CNTNAP5: variants seen among roughly 807,000 people sequenced by gnomAD.
The protein encoded by CNTNAP5 is contactin-associated protein-like 5.
In CNTNAP5, 72 loss-of-function variants were observed where a neutral mutation model predicts 150.2. The observed-to-expected ratio is 0.48, with a 90% confidence interval of 0.40 to 0.58. The LOEUF is 0.58. Among genes scored for constraint, CNTNAP5 ranks in the 20% least tolerant of loss-of-function variants. The pLI is 0.00. For missense variants in CNTNAP5, 1,636 were observed against 1,626.2 expected, an observed-to-expected ratio of 1.01 and a Z score of -0.10; for synonymous variants, 672 against 619.8, an observed-to-expected ratio of 1.08 and a Z score of -1.25.
At chr2:124,725,084 C>A (rs941355365) in intron 13 of CNTNAP5, among the ~76,000 whole-genome samples, 1 of 151,984 alleles carries the variant, frequency 6.6e-6, no homozygotes, top group Non-Finnish European at 1.5e-5. Context: ...CTCACATACA[C>A]ATAAATTTAT....
chr2:124,569,052 G>GAA (rs552168628), intron 11 of CNTNAP5, among the ~76,000 whole-genome samples: 51 of 151,364 alleles, frequency 3.4e-4, no homozygotes, highest in African/African-American at 1.2e-3. Flanking sequence ...TGTCTCAAAA[G>GAA]AAAAAAATAT....
At chr2:124,860,627 G>A (rs982189038) in intron 19 of CNTNAP5, among the ~76,000 whole-genome samples, 26 of 151,022 alleles carry the variant, frequency 1.7e-4, no homozygotes, top group Non-Finnish European at 5.9e-5. Context: ...ACTTACCATG[G>A]GCCAGACACT....
At chr2:124,513,096 G>C (rs1694630435) in intron 8 of CNTNAP5, among the ~76,000 whole-genome samples, 1 of 152,166 alleles carries the variant, frequency 6.6e-6, no homozygotes, top group Non-Finnish European at 1.5e-5. Context: ...GCTGCTATAA[G>C]AAAATATCAC....
chr2:124,836,539 C>A (rs191440329), intron 19 of CNTNAP5, among the ~76,000 whole-genome samples: 170 of 152,174 alleles, frequency 1.1e-3, no homozygotes, highest in African/African-American at 3.7e-3. Context: ...GACACTTACT[C>A]ATAGTGGCTA....
chr2:124,768,588 T>C lies in CNTNAP5; in HGVS notation c.2534-4211T>C, dbSNP rs1041371394. Reference sequence around the variant, plus strand: ...TTCCAAGCACTCCCATCGATGACGATCACTGTGTTGTACTGTGATTACCAC... The same window carrying C: ...TTCCAAGCACTCCCATCGATGACGACCACTGTGTTGTACTGTGATTACCAC... On this transcript the variant is annotated intron_variant, in intron 16 of 23. Coordinates refer to ENST00000682447, the MANE Select transcript of CNTNAP5 (RefSeq NM_001367498.1). 7.9e-5 allele frequency among the ~76,000 whole-genome samples: 12 copies of C among 152,172 alleles called. No individual in the cohort carries two copies. In the East Asian group the frequency reaches 2.3e-3, roughly 30 times the overall value.
chr2:124,224,218 G>A lies in CNTNAP5; in HGVS notation c.187+2409G>A, dbSNP rs111557716. Among the ~76,000 whole-genome samples, 484 of 152,196 alleles carry A rather than the reference G, an allele frequency of 3.2e-3. 3 individuals carry two copies. Among genetic ancestry groups the A allele is most frequent in the African/African-American group, 0.011 (460 of 41,568 alleles). On this transcript the variant is annotated intron_variant, in intron 2 of 23. Coordinates refer to ENST00000682447, the MANE Select transcript of CNTNAP5 (RefSeq NM_001367498.1). ...AAATTGCTACATTGGAGGAATTCAT[G>A]AGTAAAAAATCCTTCTATTAATAAT...
chr2:124,789,903 G>T lies in CNTNAP5; in HGVS notation c.2754G>T (p.Gly918=). 1 of 1,612,944 alleles carries T rather than the reference G, an allele frequency of 6.2e-7. No homozygotes were observed. The highest frequency in any genetic ancestry group is 1.3e-5 in the African/African-American group (1 of 74,958). The change falls in exon 18 of 24, where the codon GGG becomes GGT. Residue 918 remains glycine (G), a splice_region_variant and synonymous_variant. Coordinates refer to ENST00000682447, the MANE Select transcript of CNTNAP5 (RefSeq NM_001367498.1). The part of the protein sequence containing the change: ...RLQLNSQLFV[G]GTSSRQKGFL... ...GTTTCCTTTTATTTAACCTCTTAGG[G>T]GGAACGTCATCCAGACAGAAAGGCT...
chr2:124,066,603 C>G (rs933632412), intron 1 of CNTNAP5, among the ~76,000 whole-genome samples: 1 of 151,908 alleles, frequency 6.6e-6, no homozygotes, highest in African/African-American at 2.4e-5. Context: ...CTTGGTGTTA[C>G]TTTTACATCC....
rs1296738959 is a variant in CNTNAP5 at position 124,142,328 on chromosome 2, A to G, written c.83-79377A>G. ...ACAGAACTCTCCACCCCAAATCAAC[A>G]GAATATACATTTTTTTCAGCACCAC... On this transcript the variant is annotated intron_variant, in intron 1 of 23. Transcript: ENST00000682447. Among the ~76,000 whole-genome samples, 4 of 145,898 alleles carry G rather than the reference A, an allele frequency of 2.7e-5. No individual in the cohort carries two copies. The East Asian group carries it at 6.2e-4, about 23-fold the overall frequency.
chr2:124,645,489 G>T (rs1474634969), intron 12 of CNTNAP5, among the ~76,000 whole-genome samples: 1 of 152,106 alleles, frequency 6.6e-6, no homozygotes, highest in Non-Finnish European at 1.5e-5. Context: ...GATCGCTTGA[G>T]CCCAGGTGGC....
chr2:124,866,000 A>G (rs1677624183), intron 20 of CNTNAP5, among the ~76,000 whole-genome samples: 1 of 151,788 alleles, frequency 6.6e-6, no homozygotes, highest in Non-Finnish European at 1.5e-5. Flanking sequence ...GCAGTGGCTC[A>G]TGCCTGTAAT....
intron 1 of CNTNAP5, among the ~76,000 whole-genome samples, chr2:124,088,929 G>A (rs1682758691): frequency 6.6e-6 from 1 of 152,206 alleles, no homozygotes; most frequent in Non-Finnish European, 1.5e-5. Context: ...TGTTTAACCA[G>A]TCACAGTAGT....
intron 3 of CNTNAP5, among the ~76,000 whole-genome samples, chr2:124,264,364 A>C (rs114967395): frequency 0.021 from 2,806 of 136,184 alleles, 36 homozygotes; most frequent in Middle Eastern, 0.044. Flanking sequence ...CCCTTCCCCC[A>C]CACACACAGG....
At chr2:124,603,662 C>A (rs1249682475) in intron 11 of CNTNAP5, among the ~76,000 whole-genome samples, 2 of 152,158 alleles carry the variant, frequency 1.3e-5, no homozygotes, top group African/African-American at 4.8e-5. Flanking sequence ...AGGATATGAT[C>A]TCTGTTCTTT....
chr2:124,606,101 A>G (rs529077224), intron 11 of CNTNAP5, among the ~76,000 whole-genome samples: 9 of 152,250 alleles, frequency 5.9e-5, no homozygotes, highest in Admixed American at 5.9e-4. Context: ...TAGGCAAATG[A>G]GAAAATATGA....
intron 19 of CNTNAP5, among the ~76,000 whole-genome samples, chr2:124,846,610 T>G (rs1683052747): frequency 6.6e-6 from 1 of 152,224 alleles, no homozygotes; most frequent in Non-Finnish European, 1.5e-5. Flanking sequence ...CCATTGCTGG[T>G]GAGCTGGTAT....
At chr2:124,445,705 C>T (rs1260066375) in intron 5 of CNTNAP5, among the ~76,000 whole-genome samples, 1 of 152,140 alleles carries the variant, frequency 6.6e-6, no homozygotes, top group Non-Finnish European at 1.5e-5. Flanking sequence ...CACGGTTGAA[C>T]AGGCTGCTGC....
intron 17 of CNTNAP5, among the ~76,000 whole-genome samples, chr2:124,788,603 C>CTTTCTTTCT (rs745963953): frequency 7.3e-6 from 1 of 136,332 alleles, no homozygotes; most frequent in African/African-American, 2.8e-5. Flanking sequence ...TTCTTTCTTT[C>CTTTCTTTCT]TTTTTTTTTT....
At chr2:124,059,473 T>C (rs1414273058) in intron 1 of CNTNAP5, among the ~76,000 whole-genome samples, 1 of 152,174 alleles carries the variant, frequency 6.6e-6, no homozygotes, top group Non-Finnish European at 1.5e-5. Flanking sequence ...CCAGTTTGTG[T>C]CCTCTTCTGT....
Sources: allele counts gnomAD v4.1 joint callset (sites outside exome capture counted in the v4.1 genomes callset), GRCh38; gene constraint gnomAD v4.1.1; transcripts MANE v1.5; gene names NCBI Gene and HGNC (gene_info 2026-07-23, HGNC 2026-07-21).